DNAH14: variants seen among roughly 807,000 people sequenced by gnomAD.
The protein encoded by DNAH14 is dynein axonemal heavy chain 14.
DNAH14 carries 478 observed loss-of-function variants against 520.9 expected under a neutral mutation model. That is an observed-to-expected ratio of 0.92 (90% confidence interval 0.85 to 0.99). The LOEUF is 0.99. Among genes scored for constraint, DNAH14 ranks in the 50% least tolerant of loss-of-function variants. The pLI is 0.00. For synonymous variants in DNAH14, 1,581 were observed against 1,757.2 expected (o/e 0.90, Z 2.51); for missense variants, 4,831 against 5,234.5 (o/e 0.92, Z 2.38).
chr1:225,151,887 C>A, intron 31 of DNAH14, 118 bp from the exon 32 acceptor site: 1 of 871,090 alleles, frequency 1.1e-6, no homozygotes, highest in Non-Finnish European at 1.9e-6. Context: ...TTCCAGTGTG[C>A]TCTGTTTGCA....
At chr1:224,946,429 C>G (rs954445475) in intron 1 of DNAH14, among the ~76,000 whole-genome samples, 1 of 152,120 alleles carries the variant, frequency 6.6e-6, no homozygotes, top group Non-Finnish European at 1.5e-5. Flanking sequence ...TTCCCTGACC[C>G]CTTGAGCTTC....
chr1:225,298,308 G>C (rs193291632), intron 55 of DNAH14, among the ~76,000 whole-genome samples: 1 of 152,254 alleles, frequency 6.6e-6, no homozygotes, highest in Admixed American at 6.5e-5. Context: ...CTATTTCTCA[G>C]GTCCTGGGCA....
rs184198692 is a variant in DNAH14 at position 225,380,349 on chromosome 1, C to T, written c.12880+27C>T. 382 of 1,537,056 alleles carry T rather than the reference C, an allele frequency of 2.5e-4. 1 individual carries two copies. Among genetic ancestry groups the T allele is most frequent in the Non-Finnish European group, 2.2e-4 (252 of 1,139,896 alleles). ...TGAGCATGGGACAGGAGCTTTTTCC[C>T]CTTACCTCACTCTCCTCAAGAAAGG... On this transcript the variant is annotated intron_variant, in intron 80 of 85. Transcript: ENST00000682510.
At chr1:225,242,292 T>C (rs1434414018) in intron 43 of DNAH14, among the ~76,000 whole-genome samples, 1 of 152,144 alleles carries the variant, frequency 6.6e-6, no homozygotes, top group African/African-American at 2.4e-5. Context: ...TTTTTTACTT[T>C]ATAAAATTTT....
intron 43 of DNAH14, chr1:225,250,683 G>A (rs2149701275): frequency 3.5e-6 from 2 of 564,000 alleles, no homozygotes; most frequent in South Asian, 2.5e-5. Flanking sequence ...CAGTCACAGG[G>A]CAGACGGAGA....
intron 60 of DNAH14, among the ~76,000 whole-genome samples, chr1:225,314,932 G>A (rs922418043): frequency 2.0e-5 from 3 of 152,044 alleles, no homozygotes; most frequent in Middle Eastern, 3.2e-3. Context: ...TGCTCTTCTC[G>A]AGGAGTATCT....
chr1:225,010,006 G>C (rs937809957), intron 10 of DNAH14, among the ~76,000 whole-genome samples: 6 of 152,138 alleles, frequency 3.9e-5, no homozygotes, highest in Admixed American at 6.5e-5. Flanking sequence ...CTGAAATGAT[G>C]GGGTTTTCTA....
At chr1:224,930,726 T>A (rs917129687) in intron 1 of DNAH14, among the ~76,000 whole-genome samples, 1 of 151,904 alleles carries the variant, frequency 6.6e-6, no homozygotes, top group Non-Finnish European at 1.5e-5. Context: ...GCCTCCGGAG[T>A]AGCTGGGACT....
At position 225,338,543 on chromosome 1, in the gene DNAH14, A is replaced by C. The variant is rs2095110290; in HGVS notation, c.10433+361A>C. ...GAGAAAAGTTTCTGCCTCTTTAAAAAACACACACACACAAAATCCATATTT... is the reference window on the plus strand; with the variant it reads ...GAGAAAAGTTTCTGCCTCTTTAAAACACACACACACACAAAATCCATATTT... On this transcript the variant is annotated intron_variant, in intron 68 of 85. Coordinates refer to ENST00000682510, the MANE Select transcript of DNAH14 (RefSeq NM_001367479.1). 2.6e-5 allele frequency among the ~76,000 whole-genome samples: 4 copies of C among 152,190 alleles called. No homozygotes were observed. In the South Asian group the frequency reaches 8.3e-4, roughly 32 times the overall value.
At position 224,967,712 on chromosome 1, in the gene DNAH14, A is replaced by T. The variant is rs1414503743; in HGVS notation, c.651+129A>T. On this transcript the variant is annotated intron_variant, in intron 6 of 85. Coordinates refer to ENST00000682510, the MANE Select transcript of DNAH14 (RefSeq NM_001367479.1). ...TGGTCATTTGTGGAGCAGTTTATATATAAGAATCTCCTTGGGAGCATGTTA... is the reference window on the plus strand; with the variant it reads ...TGGTCATTTGTGGAGCAGTTTATATTTAAGAATCTCCTTGGGAGCATGTTA... 1.4e-5 allele frequency: 22 copies of T among 1,589,208 alleles called. No individual in the cohort carries two copies. The Admixed American group carries it at 4.0e-4, about 29-fold the overall frequency.
intron 36 of DNAH14, 130 bp downstream of exon 36, chr1:225,168,158 A>G: frequency 1.7e-6 from 1 of 605,180 alleles, no homozygotes; most frequent in Non-Finnish European, 2.9e-6. Flanking sequence ...GTCATTTATT[A>G]ATTGTTAGTC....
Position 225,193,040 on chromosome 1 carries a change from T to C in DNAH14, c.5886+129T>C, listed in dbSNP as rs547389083. 1.9e-4 allele frequency: 140 copies of C among 722,012 alleles called. 1 individual carries two copies. In the South Asian group the frequency reaches 4.0e-3, roughly 20 times the overall value. 44.7% of individuals were successfully genotyped at this position (722,012 alleles called of 1,614,324 possible). ...AAAGTAAATTTTAAAATCTTATGAA[T>C]AGTTTTTAAAAAGAGAAAAATTATG... On this transcript the variant is annotated intron_variant, in intron 38 of 85. Coordinates refer to ENST00000682510, the MANE Select transcript of DNAH14 (RefSeq NM_001367479.1).
In DNAH14 at chr1:224,987,769, G is replaced by A. The variant is rs534042550; in HGVS notation, c.830+13616G>A. On this transcript the variant is annotated intron_variant, in intron 8 of 85. Transcript: ENST00000682510. ...AGCTTCCTGAATAGCTAGGATTACA[G>A]GCGCCCGCCACCATGCCCAGCTAAT... 7.2e-5 allele frequency among the ~76,000 whole-genome samples: 11 copies of A among 152,250 alleles called. No individual in the cohort carries two copies. The South Asian group carries it at 8.3e-4, about 12-fold the overall frequency.
chr1:225,061,954 AC>A, intron 17 of DNAH14, among the ~76,000 whole-genome samples: 1 of 152,336 alleles, frequency 6.6e-6, no homozygotes, highest in East Asian at 1.9e-4. Flanking sequence ...TGATGGAGAA[AC>A]AAAGACTGGA....
chr1:225,393,744 C>G (rs1467928410), intron 84 of DNAH14, among the ~76,000 whole-genome samples: 2 of 152,072 alleles, frequency 1.3e-5, no homozygotes, highest in African/African-American at 4.8e-5. Context: ...CACATCCCTG[C>G]CAACACTCGG....
chr1:225,140,836 A>C lies in DNAH14; in HGVS notation c.4323A>C (p.Glu1441Asp). The change falls in exon 28 of 86, where the codon GAA (glutamate) becomes GAC (aspartate). Residue 1441 changes from glutamate (E) to aspartate (D), a missense_variant. Transcript: ENST00000682510. ...GTTCTTATTCAAGAGAAAAATTGGA[A>C]AAAGTCCACGCTGGTCTGATGTGTC... Reference protein sequence around the residue: ...FVSSYSREKLEKVHAGLMCHL... With the variant: ...FVSSYSREKLDKVHAGLMCHL... 6.4e-7 allele frequency: 1 copy of C among 1,551,102 alleles called. No homozygotes were observed. The highest frequency in any genetic ancestry group is 8.7e-7 in the Non-Finnish European group (1 of 1,146,912).
chr1:225,331,817 C>T (rs148372840), intron 65 of DNAH14, among the ~76,000 whole-genome samples: 4 of 152,264 alleles, frequency 2.6e-5, no homozygotes, highest in Non-Finnish European at 4.4e-5. Context: ...GACATCAGCA[C>T]GCTTTTCTCT....
chr1:225,188,656 A>G (rs2085041987), intron 37 of DNAH14, among the ~76,000 whole-genome samples: 1 of 151,860 alleles, frequency 6.6e-6, no homozygotes. Flanking sequence ...TTTTTTGGAC[A>G]TTTGGTTATT....
At chr1:225,107,779 T>C (rs937119536) in intron 23 of DNAH14, among the ~76,000 whole-genome samples, 2 of 152,182 alleles carry the variant, frequency 1.3e-5, no homozygotes, top group African/African-American at 2.4e-5. Flanking sequence ...AGGGTTCCCT[T>C]TTCTCCATAT....
Sources: gnomAD v4.1 joint callset for allele counts (sites outside exome capture counted in the v4.1 genomes callset) on GRCh38, gnomAD v4.1.1 for gene constraint, MANE v1.5 for transcripts, NCBI Gene and HGNC (gene_info 2026-07-23, HGNC 2026-07-21) for gene names.